Variants in SLC4A2 observed in about 807,000 individuals in gnomAD.
SLC4A2 encodes solute carrier family 4 member 2.
A neutral mutation model predicts 115.0 loss-of-function variants in SLC4A2; 36 were observed. The ratio of observed to expected loss-of-function variants is 0.31; its 90% confidence interval spans 0.24 to 0.41. The LOEUF (loss-of-function observed/expected upper bound fraction) is 0.41. SLC4A2 is among the 10% of genes least tolerant of loss of function. SLC4A2 has a pLI of 1.00. For missense variants in SLC4A2, 1,252 were observed against 1,705.6 expected (o/e 0.73, Z 4.68); for synonymous variants, 708 against 708.3 (o/e 1.00, Z 0.01).
At position 151,064,634 on chromosome 7, in the gene SLC4A2, G is replaced by A. The variant is rs138202021; in HGVS notation, c.326G>A (p.Arg109His). Residue 109 changes from arginine to histidine, a missense_variant, in exon 4 of 23, where the codon CGC becomes CAC. This residue lies in a region of SLC4A2 where 215 missense variants were observed against 205.2 expected (regional missense o/e 1.05). Coordinates refer to ENST00000413384, the MANE Select transcript of SLC4A2 (RefSeq NM_003040.4). Reference protein sequence around the residue: ...PQGPGRKPRRRPGASPTGETP... With the variant: ...PQGPGRKPRRHPGASPTGETP... ...GGCCCAGGACGGAAGCCTCGAAGGC[G>A]CCCGGGAGCCTCCCCGACTGGAGAA... 89 of 1,613,460 alleles carry A rather than the reference G, an allele frequency of 5.5e-5. No homozygotes were observed. Among genetic ancestry groups the A allele is most frequent in the Non-Finnish European group, 6.0e-5 (71 of 1,179,846 alleles).
rs1441815982 is a variant in SLC4A2 at position 151,064,901 on chromosome 7, A to G, written c.513A>G (p.Pro171=). 2 of 1,613,854 alleles carry G rather than the reference A, an allele frequency of 1.2e-6. No homozygotes were observed. The highest frequency in any genetic ancestry group is 1.7e-6 in the Non-Finnish European group (2 of 1,179,996). ...SADRKAERTS[P]SSPAPLPHQE... is the part of the protein sequence containing the mutation. The stretch of plus-strand genomic sequence containing the variant: ...ACCGGAAGGCAGAGAGGACCAGTCC[A>G]TCTTCCCCTGCACCACTGCCCCACC... Residue 171 remains proline (P), a synonymous_variant, in exon 5 of 23, where the codon CCA becomes CCG. Coordinates refer to ENST00000413384, the MANE Select transcript of SLC4A2 (RefSeq NM_003040.4).
Position 151,074,464 on chromosome 7 carries a change from C to T in SLC4A2, c.2856C>T (p.Tyr952=), listed in dbSNP as rs1190730631. 6.2e-7 allele frequency: 1 copy of T among 1,614,054 alleles called. No homozygotes were observed. Among genetic ancestry groups the T allele is most frequent in the East Asian group, 2.2e-5 (1 of 44,880 alleles). Reference sequence around the variant, plus strand: ...TCCTCATCATGGTGCTTGTGGATTACAGTATTGAGGACACCTATACCCAGG... The same window carrying T: ...TCCTCATCATGGTGCTTGTGGATTATAGTATTGAGGACACCTATACCCAGG... ...IAILIMVLVD[Y]SIEDTYTQKL... The change falls in exon 18 of 23, where the codon TAC becomes TAT. Residue 952 remains tyrosine, a synonymous_variant. Transcript: ENST00000413384.
upstream of SLC4A2, chr7:151,058,788 G>T (rs1226104259): frequency 1.3e-5 from 2 of 152,248 alleles, no homozygotes; most frequent in African/African-American, 4.8e-5. Context: ...CCCCTTAAAG[G>T]AGCTGATTAT....
intron 10 of SLC4A2, 32 bp downstream of exon 10, chr7:151,070,378 CG>C: frequency 5.0e-6 from 8 of 1,608,334 alleles, no homozygotes; most frequent in Non-Finnish European, 6.8e-6. Context: ...CCTGGGCTGG[CG>C]GCAGGGCTGA....
intron 2 of SLC4A2, among the ~76,000 whole-genome samples, chr7:151,062,386 G>C (rs939259974): frequency 1.3e-5 from 2 of 152,184 alleles, no homozygotes; most frequent in Admixed American, 1.3e-4. Flanking sequence ...ACGCGGGCCA[G>C]GGTTCTGGGC....
Position 151,072,132 on chromosome 7 carries a change from T to C in SLC4A2, c.2531T>C (p.Val844Ala). ...IFIYETFYKL[V>A]KIFQEHPLHG... The stretch of plus-strand genomic sequence containing the variant: ...ATCTATGAGACCTTCTACAAGCTGG[T>C]GAAGGTGGGCAGGCCCCTGCCGAGA... The change falls in exon 16 of 23, where the codon GTG becomes GCG. Residue 844 changes from valine to alanine, a missense_variant. By Grantham distance (64) the Val-to-Ala change is moderately conservative. Around this residue, in one of 14 missense-constraint regions of SLC4A2, gnomAD observed 118 missense variants for 203.3 expected, o/e 0.58. Coordinates refer to ENST00000413384, the MANE Select transcript of SLC4A2 (RefSeq NM_003040.4). The C allele has an allele frequency of 1.2e-6, 2 of 1,613,234 alleles. No individual in the cohort carries two copies. Among genetic ancestry groups the C allele is most frequent in the Non-Finnish European group, 1.7e-6 (2 of 1,179,408 alleles).
In SLC4A2 at chr7:151,074,831, C is replaced by A; in HGVS notation, c.3037C>A (p.Gln1013Lys). ...CTTCATTCTCATCTTCATGGAGACA[C>A]AGATCACCACGTGAGTGGTCCTAGC... ...LVFILIFMET[Q>K]ITTLIISKKE... Residue 1013 changes from glutamine to lysine, a missense_variant, in exon 19 of 23, where the codon CAG (glutamine) becomes AAG (lysine). This residue lies in a region of SLC4A2 where 253 missense variants were observed against 407.4 expected (regional missense o/e 0.62). Coordinates refer to ENST00000413384, the MANE Select transcript of SLC4A2 (RefSeq NM_003040.4). 2 of 1,608,506 alleles carry A rather than the reference C, an allele frequency of 1.2e-6. No individual in the cohort carries two copies. The highest frequency in any genetic ancestry group is 1.1e-5 in the South Asian group (1 of 90,464).
intron 2 of SLC4A2, chr7:151,062,655 C>G (rs1797091042): frequency 6.6e-7 from 1 of 1,523,286 alleles, no homozygotes; most frequent in Non-Finnish European, 8.8e-7. Context: ...CTTCCTCCTG[C>G]GGCCTCAGGT....
intron 10 of SLC4A2, 39 bp downstream of exon 10, chr7:151,070,385 G>A (rs758944262): frequency 2.5e-6 from 4 of 1,610,644 alleles, no homozygotes; most frequent in East Asian, 2.2e-5. Context: ...TGGCGGCAGG[G>A]CTGAGGAAGC....
At chr7:151,070,989 A>G (rs1314794921) in intron 12 of SLC4A2, 78 bp downstream of exon 12, 3 of 1,585,932 alleles carry the variant, frequency 1.9e-6, no homozygotes, top group Admixed American at 1.7e-5. Flanking sequence ...ACTGCCTCCC[A>G]CCCACTGGCC....
In SLC4A2 at chr7:151,071,999, C is replaced by T. The variant is rs1007183874; in HGVS notation, c.2398C>T (p.Leu800=). The part of the protein sequence containing the change: ...LVGRVWIGFW[L]VFLALLMVAL... ...GGGCCGTGTGTGGATCGGCTTCTGGCTGGTGTTCCTGGCCCTGCTCATGGT... is the reference window on the plus strand; with the variant it reads ...GGGCCGTGTGTGGATCGGCTTCTGGTTGGTGTTCCTGGCCCTGCTCATGGT... Residue 800 remains leucine, a synonymous_variant, in exon 16 of 23, where the codon CTG becomes TTG. Transcript: ENST00000413384. The surrounding 1 kb of genome is among the most constrained non-coding windows in gnomAD (Gnocchi z 5.5). 1 of 1,613,794 alleles carries T rather than the reference C, an allele frequency of 6.2e-7. No individual in the cohort carries two copies. The highest frequency in any genetic ancestry group is 8.5e-7 in the Non-Finnish European group (1 of 1,179,928).
chr7:151,062,811 G>A, intron 2 of SLC4A2: 1 of 1,371,280 alleles, frequency 7.3e-7, no homozygotes, highest in Non-Finnish European at 9.4e-7. Context: ...CCTCACAGAG[G>A]GGAGAAGCCA....
intron 16 of SLC4A2, among the ~76,000 whole-genome samples, chr7:151,073,834 A>T (rs1424180331): frequency 2.6e-5 from 4 of 152,084 alleles, no homozygotes; most frequent in Non-Finnish European, 4.4e-5. Context: ...TTCCTGACTT[A>T]TACTAGCCGC....
chr7:151,061,974 G>T lies in SLC4A2; in HGVS notation c.-14G>T. 1 of 1,609,608 alleles carries T rather than the reference G, an allele frequency of 6.2e-7. No individual in the cohort carries two copies. On this transcript the variant is annotated 5_prime_UTR_variant, in exon 2 of 23. Transcript: ENST00000413384. ...GAAAGCCGCAGCGACAGCGAAAAGG[G>T]CTAAGATTCGGCCATGAGCAGCGCC... is the stretch of plus-strand genomic sequence containing the variant.
At chr7:151,061,395 A>G (rs10245199) in intron 1 of SLC4A2, 43,996 of 152,120 alleles carry the variant, frequency 0.29, 6,747 homozygotes, top group Admixed American at 0.41. Context: ...CCCTCCCTGC[A>G]GGGGCATCTT....
rs180974177 is a variant in SLC4A2, at chr7:151,064,087, G to A, written c.52-115G>A. 1.2e-4 allele frequency: 119 copies of A among 1,019,158 alleles called. No homozygotes were observed. In the East Asian group the frequency reaches 1.7e-3, roughly 14 times the overall value. The allele number at this position is 1,019,158 out of a possible 1,614,324, so 63.1% of individuals were successfully genotyped here. On this transcript the variant is annotated intron_variant, in intron 2 of 22. Transcript: ENST00000413384. The stretch of plus-strand genomic sequence containing the variant: ...GCATATAGAGCCACCAGCATTAGAG[G>A]AGATAGCTGCTGGCGGGGGAGGGTT...
chr7:151,067,966 G>A lies in SLC4A2; in HGVS notation c.1059G>A (p.Val353=). The change falls in exon 8 of 23, where the codon GTG becomes GTA. Residue 353 remains valine, a synonymous_variant. Coordinates refer to ENST00000413384, the MANE Select transcript of SLC4A2 (RefSeq NM_003040.4). The stretch of plus-strand genomic sequence containing the variant: ...GCTGGATCAAATTTGAAGAGGACGT[G>A]GAGGAGGAGACTGAGCGCTGGGGGA... ...TARWIKFEED[V]EEETERWGKP... 6.2e-7 allele frequency: 1 copy of A among 1,610,360 alleles called. No homozygotes were observed. Among genetic ancestry groups the A allele is most frequent in the Non-Finnish European group, 8.5e-7 (1 of 1,178,826 alleles).
chr7:151,075,193 G>C, intron 19 of SLC4A2, 62 bp from the exon 20 acceptor site: 1 of 1,600,166 alleles, frequency 6.2e-7, no homozygotes, highest in Non-Finnish European at 8.5e-7. Context: ...ATTCTGGAAA[G>C]ACCCTGTGGT....
At position 151,075,360 on chromosome 7, in the gene SLC4A2, GC is replaced by G; in HGVS notation, c.3156del (p.Trp1053GlyfsTer19). 1 of 1,612,538 alleles carries G rather than the reference GC, an allele frequency of 6.2e-7. No homozygotes were observed. ...MGGICALFGL[P>X]WLAAATVRSV... Reference sequence around the variant, plus strand: ...GCGGCATCTGTGCCCTCTTTGGCCTGCCCTGGTTGGCTGCTGCCACTGTCCG... The same window carrying G: ...GCGGCATCTGTGCCCTCTTTGGCCTGCCTGGTTGGCTGCTGCCACTGTCCG... On this transcript the variant is annotated frameshift_variant, in exon 20 of 23. Coordinates refer to ENST00000413384, the MANE Select transcript of SLC4A2 (RefSeq NM_003040.4). LOFTEE classifies it high-confidence loss of function.
Sources: allele counts gnomAD v4.1 joint callset (sites outside exome capture counted in the v4.1 genomes callset), GRCh38; gene constraint gnomAD v4.1.1; regional missense constraint gnomAD v4.1.1; non-coding constraint Gnocchi (gnomAD v3.1); transcripts MANE v1.5; gene names NCBI Gene and HGNC (gene_info 2026-07-23, HGNC 2026-07-21).